PIK3R6: variants seen among roughly 807,000 people sequenced by gnomAD.
The protein encoded by PIK3R6 is phosphoinositide-3-kinase regulatory subunit 6.
Under a neutral mutation model 84.9 loss-of-function variants are expected in PIK3R6, and 91 were observed. The observed-to-expected ratio is 1.07, with a 90% CI of 0.90 to 1.28. PIK3R6 has a LOEUF of 1.28. Among genes scored for constraint, PIK3R6 ranks in the 50% most tolerant of loss-of-function variants. The pLI is 0.00. For missense variants in PIK3R6, 996 were observed against 985.1 expected (o/e 1.01, Z -0.15); for synonymous variants, 416 against 411.4 (o/e 1.01, Z -0.13).
intron 1 of PIK3R6, among the ~76,000 whole-genome samples, chr17:8,856,891 A>G (rs1312999124): frequency 1.3e-5 from 1 of 78,722 alleles, no homozygotes; most frequent in Non-Finnish European, 2.6e-5. Context: ...GTTCAGGGAC[A>G]TAGTAATTAC....
chr17:8,834,690 G>T (rs965743705), intron 8 of PIK3R6, among the ~76,000 whole-genome samples: 1 of 151,934 alleles, frequency 6.6e-6, no homozygotes, highest in African/African-American at 2.4e-5. Context: ...ACCACACCAG[G>T]CTCTTATAGG....
At position 8,823,450 on chromosome 17, in the gene PIK3R6, G is replaced by T. The variant is rs74647789; in HGVS notation, c.1563C>A (p.Asp521Glu). ...TSRTVDPFIL[D>E]VITYYIRMGT... ...CCATGCGGATGTAGTAGGTGATGACGTCTAGGATGAAGGGGTCCACAGTCC... is the reference window on the plus strand; with the variant it reads ...CCATGCGGATGTAGTAGGTGATGACTTCTAGGATGAAGGGGTCCACAGTCC... Residue 521 changes from aspartate to glutamate, a missense_variant, in exon 14 of 20, where the codon GAC (aspartate) becomes GAA (glutamate). Coordinates refer to ENST00000619866, the MANE Select transcript of PIK3R6 (RefSeq NM_001010855.4). 6.2e-7 allele frequency: 1 copy of T among 1,612,710 alleles called. No individual in the cohort carries two copies. Among genetic ancestry groups the T allele is most frequent in the African/African-American group, 1.3e-5 (1 of 74,796 alleles).
At chr17:8,863,544 T>G (rs574145862) in intron 1 of PIK3R6, among the ~76,000 whole-genome samples, 63 of 151,116 alleles carry the variant, frequency 4.2e-4, no homozygotes, top group African/African-American at 1.5e-3. Flanking sequence ...TGTGTGTGTG[T>G]TTTTTTTTGA....
At position 8,844,657 on chromosome 17, in the gene PIK3R6, G is replaced by A. The variant is rs963733813; in HGVS notation, c.14-4960C>T. ...TTAACTTTTATTTTAGGTTCAGGAG[G>A]TACATGTGCAGGTTTGTTACCCGGA... On this transcript the variant is annotated intron_variant, in intron 2 of 19. Coordinates refer to ENST00000619866, the MANE Select transcript of PIK3R6 (RefSeq NM_001010855.4). This position sits in a 1 kb window ranked among gnomAD's most constrained non-coding sequence, Gnocchi z 4.5. Among the ~76,000 whole-genome samples the A allele has an allele frequency of 6.6e-6, 1 of 151,782 alleles. No individual in the cohort carries two copies. The highest frequency in any genetic ancestry group is 1.5e-5 in the Non-Finnish European group (1 of 67,940).
At chr17:8,809,686 T>G (rs1382594067) in intron 18 of PIK3R6, among the ~76,000 whole-genome samples, 1 of 152,112 alleles carries the variant, frequency 6.6e-6, no homozygotes, top group Non-Finnish European at 1.5e-5. Flanking sequence ...TCTCAGCTAC[T>G]CAGGAGGTTG....
At position 8,854,986 on chromosome 17, in the gene PIK3R6, A is replaced by C. The variant is rs866081478; in HGVS notation, c.-91-5101T>G. ...GGTGGGTGGATCACCTGAGGTCAGG[A>C]GTTCAAGACTAGCCTGGCCAATATA... On this transcript the variant is annotated intron_variant, in intron 1 of 19. Coordinates refer to ENST00000619866, the MANE Select transcript of PIK3R6 (RefSeq NM_001010855.4). Among the ~76,000 whole-genome samples the C allele has an allele frequency of 8.5e-5, 13 of 152,348 alleles. 2 individuals carry two copies. The Middle Eastern group carries it at 0.02, about 239-fold the overall frequency.
chr17:8,817,901 C>T (rs921632503), intron 18 of PIK3R6, among the ~76,000 whole-genome samples: 1 of 149,378 alleles, frequency 6.7e-6, no homozygotes, highest in African/African-American at 2.5e-5. Flanking sequence ...TGGGTCATGG[C>T]AGAGTTGTTT....
intron 18 of PIK3R6, among the ~76,000 whole-genome samples, chr17:8,805,591 G>A (rs1296303306): frequency 6.6e-6 from 1 of 152,208 alleles, no homozygotes; most frequent in Non-Finnish European, 1.5e-5. Flanking sequence ...ACTCAGGGGA[G>A]AGGGGGCTTC....
At position 8,818,094 on chromosome 17, in the gene PIK3R6, G is replaced by A. The variant is rs548370374; in HGVS notation, c.1995+989C>T. ...AGTGATCCCAAGGATCCGCGTGAGC[G>A]GGAGGTCATGAGTTTGCTGTGGATC... On this transcript the variant is annotated intron_variant, in intron 18 of 19. Coordinates refer to ENST00000619866, the MANE Select transcript of PIK3R6 (RefSeq NM_001010855.4). Among the ~76,000 whole-genome samples the A allele has an allele frequency of 3.7e-4, 57 of 152,272 alleles. No individual in the cohort carries two copies. In the East Asian group the frequency reaches 7.3e-3, roughly 20 times the overall value.
chr17:8,819,105 T>A lies in PIK3R6; in HGVS notation c.1973A>T (p.Asn658Ile). The part of the protein sequence containing the change: ...VNVTEVVKSS[N>I]LAGKSFSTVT... ...TACAGAGAAGGACTTTCCCGCCAAG[T>A]TGGAGGACTTGACAACCTCTGTCAC... Residue 658 changes from asparagine to isoleucine, a missense_variant, in exon 18 of 20, where the codon AAC (asparagine) becomes ATC (isoleucine). Transcript: ENST00000619866. 6.2e-7 allele frequency: 1 copy of A among 1,606,440 alleles called. No homozygotes were observed. The highest frequency in any genetic ancestry group is 8.5e-7 in the Non-Finnish European group (1 of 1,176,692).
In PIK3R6 at chr17:8,862,126, T is replaced by C. The variant is rs961966009; in HGVS notation, c.-92+5403A>G. ...GGTTCAGTACTATTGGAGGTCTGAG[T>C]CATCCCCTGGGGGTCTTGGAGTGTG... On this transcript the variant is annotated intron_variant, in intron 1 of 19. Transcript: ENST00000619866. This position sits in a 1 kb window ranked among gnomAD's most constrained non-coding sequence, Gnocchi z 4.3. Among the ~76,000 whole-genome samples the C allele has an allele frequency of 6.6e-6, 1 of 152,168 alleles. No homozygotes were observed. The highest frequency in any genetic ancestry group is 1.5e-5 in the Non-Finnish European group (1 of 68,026).
At chr17:8,814,499 T>C (rs1018735222) in intron 18 of PIK3R6, among the ~76,000 whole-genome samples, 1 of 152,058 alleles carries the variant, frequency 6.6e-6, no homozygotes, top group Non-Finnish European at 1.5e-5. Flanking sequence ...ATTATAGGCA[T>C]GAGCCACCGT....
intron 1 of PIK3R6, among the ~76,000 whole-genome samples, chr17:8,861,196 AAAAG>A (rs1555541293): frequency 6.0e-5 from 9 of 151,250 alleles, no homozygotes; most frequent in South Asian, 2.1e-4. Context: ...AAAAAAAAAA[AAAAG>A]AAAGAAAGAA....
intron 1 of PIK3R6, among the ~76,000 whole-genome samples, chr17:8,850,192 C>A (rs2088913098): frequency 6.6e-6 from 1 of 151,550 alleles, no homozygotes; most frequent in Non-Finnish European, 1.5e-5. Flanking sequence ...GTAATTCCAG[C>A]TACTCAGGAG....
intron 16 of PIK3R6, 87 bp from the exon 17 acceptor site, chr17:8,822,023 C>T: frequency 9.3e-7 from 1 of 1,081,008 alleles, no homozygotes; most frequent in South Asian, 1.4e-5. Context: ...TTGCCTCTCT[C>T]CCCTGTTTTC....
rs372755765 is a variant in PIK3R6 at position 8,804,107 on chromosome 17, C to T, written c.2042G>A (p.Arg681Gln). The change falls in exon 19 of 20, where the codon CGG (arginine) becomes CAG (glutamine). Residue 681 changes from arginine to glutamine, a missense_variant. By Grantham distance (43) the Arg-to-Gln change is conservative. Coordinates refer to ENST00000619866, the MANE Select transcript of PIK3R6 (RefSeq NM_001010855.4). ...CGACAGTGTCAGCAGCCTCTGGTCC[C>T]GGCTCTGGATCTGGATATTGTTCGT... ...FRTNNIQIQS[R>Q]DQRLLTLSLD... 43 of 1,613,878 alleles carry T rather than the reference C, an allele frequency of 2.7e-5. No individual in the cohort carries two copies. Among genetic ancestry groups the T allele is most frequent in the East Asian group, 1.8e-4 (8 of 44,890 alleles).
intron 2 of PIK3R6, among the ~76,000 whole-genome samples, chr17:8,840,834 T>C (rs967272730): frequency 1.3e-5 from 2 of 151,602 alleles, no homozygotes; most frequent in Admixed American, 6.6e-5. Context: ...CTCACTGCAA[T>C]CTCCGCCTCC....
In PIK3R6 at chr17:8,867,618, T is replaced by C. The variant is rs766318166; in HGVS notation, c.-181A>G. ...AGGTCCCCAGTCCCAGAGAAGCAGA[T>C]GTCTTGGGGGAGCCTCCACGGGTGT... On this transcript the variant is annotated 5_prime_UTR_variant, in exon 1 of 20. Coordinates refer to ENST00000619866, the MANE Select transcript of PIK3R6 (RefSeq NM_001010855.4). 1 of 511,064 alleles carries C rather than the reference T, an allele frequency of 2.0e-6. No homozygotes were observed. The highest frequency in any genetic ancestry group is 3.9e-6 in the Non-Finnish European group (1 of 254,750). 31.7% of individuals were successfully genotyped at this position (511,064 alleles called of 1,614,324 possible).
chr17:8,812,517 C>G (rs1251534293), intron 18 of PIK3R6, among the ~76,000 whole-genome samples: 1 of 152,146 alleles, frequency 6.6e-6, no homozygotes. Flanking sequence ...AGGTGAGTCT[C>G]AATAAATTTT....
Sources: allele counts gnomAD v4.1 joint callset (sites outside exome capture counted in the v4.1 genomes callset), GRCh38; gene constraint gnomAD v4.1.1; non-coding constraint Gnocchi (gnomAD v3.1); transcripts MANE v1.5; gene names NCBI Gene and HGNC (gene_info 2026-07-23, HGNC 2026-07-21).